CDCA7: variants seen among roughly 807,000 people sequenced by gnomAD.
The protein encoded by CDCA7 is cell division cycle-associated protein 7.
CDCA7 carries 28 observed loss-of-function variants against 54.0 expected under a neutral mutation model. The observed-to-expected ratio is 0.52, with a 90% CI of 0.38 to 0.71. The LOEUF (loss-of-function observed/expected upper bound fraction) is 0.71, where lower values mean the gene tolerates loss of function less well. Among genes scored for constraint, CDCA7 ranks in the 30% least tolerant of loss-of-function variants. CDCA7 has a pLI of 0.00. For synonymous variants in CDCA7, 180 were observed against 208.2 expected, an observed-to-expected ratio of 0.86 and a Z score of 1.16; for missense variants, 484 against 586.0, an observed-to-expected ratio of 0.83 and a Z score of 1.80.
At chr2:173,364,774 C>A in intron 5 of CDCA7, 21 bp from the exon 6 acceptor site, 1 of 1,585,514 alleles carries the variant, frequency 6.3e-7, no homozygotes. Flanking sequence ...AAATGGATTC[C>A]CTTATACGTG....
At chr2:173,361,218 T>C (rs1482585119) in intron 3 of CDCA7, among the ~76,000 whole-genome samples, 2 of 152,204 alleles carry the variant, frequency 1.3e-5, no homozygotes, top group African/African-American at 4.8e-5. Flanking sequence ...TTGTTTGCAC[T>C]TTTTTGGCTA....
intron 3 of CDCA7, among the ~76,000 whole-genome samples, chr2:173,359,761 TC>T (rs1686585468): frequency 6.6e-6 from 1 of 152,222 alleles, no homozygotes; most frequent in Admixed American, 6.5e-5. Context: ...TCCACAAAAA[TC>T]CAGCCTAATC....
At chr2:173,358,922 C>CT in intron 2 of CDCA7, 85 bp downstream of exon 2, 3 of 1,515,758 alleles carry the variant, frequency 2.0e-6, no homozygotes, top group Non-Finnish European at 2.7e-6. Flanking sequence ...AAACTGCTTG[C>CT]TTTTTGCCTA....
At chr2:173,357,305 A>G (rs1284233136) in intron 1 of CDCA7, among the ~76,000 whole-genome samples, 1 of 152,160 alleles carries the variant, frequency 6.6e-6, no homozygotes, top group African/African-American at 2.4e-5. Context: ...TTTGCACTTT[A>G]TAAAAGGACT....
intron 6 of CDCA7, 79 bp downstream of exon 6, chr2:173,365,068 G>C: frequency 6.8e-7 from 1 of 1,463,502 alleles, no homozygotes; most frequent in Non-Finnish European, 8.9e-7. Context: ...ACAGGTACAC[G>C]CACATCCTTA....
At chr2:173,364,749 T>C (rs770986071) in intron 5 of CDCA7, 46 bp from the exon 6 acceptor site, 2 of 1,547,436 alleles carry the variant, frequency 1.3e-6, no homozygotes, top group Non-Finnish European at 1.7e-6. Context: ...GTACTACTTC[T>C]CTTTATTATG....
intron 1 of CDCA7, 100 bp downstream of exon 1, chr2:173,355,084 T>G: frequency 8.3e-7 from 1 of 1,211,718 alleles, no homozygotes; most frequent in Middle Eastern, 2.9e-4. Flanking sequence ...TAGCGCTGCC[T>G]TAACTGGTGG....
chr2:173,358,048 AAATT>A (rs2106387764), intron 1 of CDCA7, among the ~76,000 whole-genome samples: 1 of 151,986 alleles, frequency 6.6e-6, no homozygotes, highest in African/African-American at 2.4e-5. Flanking sequence ...AAAATACAAA[AAATT>A]AACCGGGCGT....
intron 1 of CDCA7, among the ~76,000 whole-genome samples, chr2:173,355,289 G>C (rs1443608540): frequency 6.6e-6 from 1 of 152,226 alleles, no homozygotes. Context: ...ACAGCGGCCG[G>C]GAGCGCTGGC....
intron 1 of CDCA7, among the ~76,000 whole-genome samples, chr2:173,356,797 C>T (rs182737875): frequency 1.6e-3 from 246 of 152,286 alleles, no homozygotes; most frequent in African/African-American, 5.6e-3. Flanking sequence ...GAGCCACCCC[C>T]CTACACATAC....
rs1686741097 is a variant in CDCA7 at position 173,367,213 on chromosome 2, C to T, written c.1249C>T (p.Arg417Trp). 6 of 1,611,508 alleles carry T rather than the reference C, an allele frequency of 3.7e-6. No homozygotes were observed. Among genetic ancestry groups the T allele is most frequent in the African/African-American group, 1.3e-5 (1 of 74,712 alleles). ...CAGTTTCTGCCGGCAGCGAGATGGA[C>T]GGTGTGCGACTGGGGTCCTTGTGTA... is the stretch of plus-strand genomic sequence containing the variant. ...NCSFCRQRDG[R>W]CATGVLVYLA... The change falls in exon 9 of 10, where the codon CGG becomes TGG. Residue 417 changes from arginine to tryptophan, a missense_variant. Arg to Trp is a moderately radical substitution (Grantham distance 101). This residue lies in a region of CDCA7 where 83 missense variants were observed against 122.3 expected (regional missense o/e 0.68). Transcript: ENST00000306721.
rs531380814 is a variant in CDCA7, at chr2:173,367,409, G to T, written c.1322+123G>T. The T allele has an allele frequency of 4.8e-6, 7 of 1,449,596 alleles. No homozygotes were observed. In the South Asian group the frequency reaches 7.1e-5, roughly 15 times the overall value. The allele number at this position is 1,449,596 out of a possible 1,614,324, so 89.8% of individuals were successfully genotyped here. ...CGGGGTGGAGACTGACTGGAACGGGGCACACTGGAAGGGATGGGAACATTT... is the reference window on the plus strand; with the variant it reads ...CGGGGTGGAGACTGACTGGAACGGGTCACACTGGAAGGGATGGGAACATTT... On this transcript the variant is annotated intron_variant, in intron 9 of 9. Coordinates refer to ENST00000306721, the MANE Select transcript of CDCA7 (RefSeq NM_031942.5).
intron 5 of CDCA7, 169 bp from the exon 6 acceptor site, chr2:173,364,626 C>T: frequency 1.1e-6 from 1 of 886,550 alleles, no homozygotes; most frequent in Non-Finnish European, 1.6e-6. Context: ...TTAAGATGGC[C>T]ATATAGGTTT....
chr2:173,365,088 G>A lies in CDCA7; in HGVS notation c.894+99G>A, dbSNP rs55847722. On this transcript the variant is annotated intron_variant, in intron 6 of 9. Coordinates refer to ENST00000306721, the MANE Select transcript of CDCA7 (RefSeq NM_031942.5). ...TACACGCACATCCTTAACACCAGGC[G>A]ATCCATAGTAAATGTTTTCCTCTAA... 8,349 of 1,411,910 alleles carry A rather than the reference G, an allele frequency of 5.9e-3. 53 individuals carry two copies. Among genetic ancestry groups the A allele is most frequent in the South Asian group, 0.026 (1,585 of 60,186 alleles). The allele number at this position is 1,411,910 out of a possible 1,614,324, so 87.5% of individuals were successfully genotyped here.
chr2:173,361,140 G>A (rs1330245536), intron 3 of CDCA7, among the ~76,000 whole-genome samples: 2 of 152,112 alleles, frequency 1.3e-5, no homozygotes, highest in Non-Finnish European at 2.9e-5. Context: ...TCATTTTATT[G>A]CAGAATATTC....
chr2:173,365,383 T>C, intron 6 of CDCA7, 69 bp from the exon 7 acceptor site: 3 of 1,516,688 alleles, frequency 2.0e-6, no homozygotes, highest in Non-Finnish European at 2.7e-6. Flanking sequence ...TGAATCTGTT[T>C]TTTCAGTTTT....
intron 3 of CDCA7, among the ~76,000 whole-genome samples, chr2:173,362,589 T>TC (rs1553476714): frequency 6.6e-6 from 1 of 151,650 alleles, no homozygotes; most frequent in Non-Finnish European, 1.5e-5. Context: ...TTTTTTTTTT[T>TC]TTCAAGACAG....
rs1022117884 is a variant in CDCA7 at position 173,366,207 on chromosome 2, A to G, written c.1036-76A>G. On this transcript the variant is annotated intron_variant, in intron 7 of 9. Coordinates refer to ENST00000306721, the MANE Select transcript of CDCA7 (RefSeq NM_031942.5). This position sits in a 1 kb window ranked among gnomAD's most constrained non-coding sequence, Gnocchi z 4.5. ...GTAAGCCTATACTACGAAGAGGGAC[A>G]TTCTGTAAATATGCCATTTCCTCTG... 1.0e-5 allele frequency: 15 copies of G among 1,502,036 alleles called. No individual in the cohort carries two copies. The highest frequency in any genetic ancestry group is 5.9e-5 in the Admixed American group (3 of 50,774). The allele number at this position is 1,502,036 out of a possible 1,614,324, so 93.0% of individuals were successfully genotyped here.
At chr2:173,360,844 TTC>T (rs1487745187) in intron 3 of CDCA7, among the ~76,000 whole-genome samples, 1 of 152,066 alleles carries the variant, frequency 6.6e-6, no homozygotes, top group Non-Finnish European at 1.5e-5. Flanking sequence ...GGTGATTTTT[TTC>T]TTCTCTCTCT....
Sources: gnomAD v4.1 joint callset for allele counts (sites outside exome capture counted in the v4.1 genomes callset) on GRCh38, gnomAD v4.1.1 for gene constraint, gnomAD v4.1.1 regional missense constraint, Gnocchi (gnomAD v3.1) non-coding constraint, MANE v1.5 for transcripts, NCBI Gene and HGNC (gene_info 2026-07-23, HGNC 2026-07-21) for gene names.